THUMPD3: variants seen among roughly 807,000 people sequenced by gnomAD.
THUMPD3 encodes the protein tRNA (guanine(6)-N(2))-methyltransferase THUMP3.
A neutral mutation model predicts 54.5 loss-of-function variants in THUMPD3; 44 were observed. The observed-to-expected ratio is 0.81, with a 90% CI of 0.63 to 1.04. The LOEUF (loss-of-function observed/expected upper bound fraction) is 1.04. Among genes scored for constraint, THUMPD3 ranks in the 50% least tolerant of loss-of-function variants. THUMPD3 has a pLI of 0.00. For synonymous variants in THUMPD3, 196 were observed against 201.4 expected, an observed-to-expected ratio of 0.97 and a Z score of 0.23; for missense variants, 604 against 601.3, an observed-to-expected ratio of 1.00 and a Z score of -0.05.
intron 3 of THUMPD3, among the ~76,000 whole-genome samples, chr3:9,370,699 G>A (rs2031964492): frequency 6.6e-6 from 1 of 152,184 alleles, no homozygotes; most frequent in Admixed American, 6.5e-5. Context: ...ACTTGCTTCA[G>A]CTTCCTAAAG....
chr3:9,385,573 A>G lies in THUMPD3; in HGVS notation c.*885A>G, dbSNP rs2033277081. On this transcript the variant is annotated 3_prime_UTR_variant, in exon 10 of 10. Transcript: ENST00000452837. ...ATTCACATTAATACACAGAATGAAA[A>G]TAGAGGTCTAGGAATTATCAAAGGT... is the stretch of plus-strand genomic sequence containing the variant. 1.3e-5 allele frequency: 2 copies of G among 152,244 alleles called. No individual in the cohort carries two copies. Among genetic ancestry groups the G allele is most frequent in the African/African-American group, 4.8e-5 (2 of 41,454 alleles). The allele number at this position is 152,244 out of a possible 1,614,324, so 9.4% of individuals were successfully genotyped here.
chr3:9,371,659 ATAGGC>A, intron 4 of THUMPD3, 123 bp downstream of exon 4: 1 of 865,448 alleles, frequency 1.2e-6, no homozygotes, highest in Non-Finnish European at 1.8e-6. Flanking sequence ...TAAGAAGAGC[ATAGGC>A]TATGGAGACA....
Position 9,371,186 on chromosome 3 carries a change from T to C in THUMPD3, c.457T>C (p.Ser153Pro). 2 of 1,610,482 alleles carry C rather than the reference T, an allele frequency of 1.2e-6. No individual in the cohort carries two copies. Among genetic ancestry groups the C allele is most frequent in the Non-Finnish European group, 1.7e-6 (2 of 1,179,262 alleles). ...AAAGCGCAAAAAGATAAATCAGAAT[T>C]CAAGTAAAGAGAAGATTAATAATGG... ...KAKRKKINQNSSKEKINNGQE... is the reference protein window; with the variant it reads ...KAKRKKINQNPSKEKINNGQE... The change falls in exon 4 of 10, where the codon TCA becomes CCA. Residue 153 changes from serine to proline, a missense_variant. By Grantham distance (74) the Ser-to-Pro change is moderately conservative. Transcript: ENST00000452837.
chr3:9,384,148 T>C, intron 8 of THUMPD3, 64 bp from the exon 9 acceptor site: 1 of 1,558,756 alleles, frequency 6.4e-7, no homozygotes, highest in Non-Finnish European at 8.7e-7. Flanking sequence ...CTGTTTTTGT[T>C]TCATATAGTC....
At chr3:9,373,914 TA>T (rs2032252314) in intron 4 of THUMPD3, among the ~76,000 whole-genome samples, 1 of 152,246 alleles carries the variant, frequency 6.6e-6, no homozygotes, top group Non-Finnish European at 1.5e-5. Flanking sequence ...TACCAATTTT[TA>T]AAACTTTTTT....
Position 9,384,632 on chromosome 3 carries a change from G to T in THUMPD3, c.1468G>T (p.Val490Phe). The change falls in exon 10 of 10, where the codon GTT becomes TTT. Residue 490 changes from valine (V) to phenylalanine (F), a missense_variant. By Grantham distance (50) the Val-to-Phe change is conservative. Coordinates refer to ENST00000452837, the MANE Select transcript of THUMPD3 (RefSeq NM_001114092.2). ...TCTGATACGTACACCTCAAGCTTTTGTTCATCCTTCAGAACAAGACGGAGA... is the reference window on the plus strand; with the variant it reads ...TCTGATACGTACACCTCAAGCTTTTTTTCATCCTTCAGAACAAGACGGAGA... ...YVLIRTPQAF[V>F]HPSEQDGERG... The T allele has an allele frequency of 6.2e-7, 1 of 1,614,162 alleles. No individual in the cohort carries two copies. The highest frequency in any genetic ancestry group is 8.5e-7 in the Non-Finnish European group (1 of 1,180,022).
Position 9,366,981 on chromosome 3 carries a change from C to G in THUMPD3, c.326C>G (p.Thr109Arg). 6.2e-7 allele frequency: 1 copy of G among 1,612,314 alleles called. No homozygotes were observed. Residue 109 changes from threonine to arginine, a missense_variant, in exon 3 of 10, where the codon ACA (threonine) becomes AGA (arginine). Thr to Arg is a moderately conservative substitution (Grantham distance 71). Coordinates refer to ENST00000452837, the MANE Select transcript of THUMPD3 (RefSeq NM_001114092.2). ...QEFQDYQFKQ[T>R]KEEVLKDFED... ...TTTCAAGATTACCAGTTCAAACAAA[C>G]AAAGGTGAGCTATCCTAAACATGGT...
chr3:9,381,299 CTATTT>C (rs2032871986), intron 7 of THUMPD3, among the ~76,000 whole-genome samples: 2 of 152,178 alleles, frequency 1.3e-5, no homozygotes, highest in South Asian at 4.1e-4. Context: ...AGCCTCGCCT[CTATTT>C]TATTACTAAG....
At chr3:9,382,597 A>G (rs1293084922) in intron 7 of THUMPD3, among the ~76,000 whole-genome samples, 2 of 152,044 alleles carry the variant, frequency 1.3e-5, no homozygotes, top group African/African-American at 4.8e-5. Context: ...ATTCTTTAGT[A>G]TTGTTTTTCT....
At chr3:9,375,746 T>C (rs925653180) in intron 5 of THUMPD3, among the ~76,000 whole-genome samples, 1 of 152,244 alleles carries the variant, frequency 6.6e-6, no homozygotes, top group East Asian at 1.9e-4. Context: ...TGTAGCCTAC[T>C]ACACACCTGG....
rs1411988511 is a variant in THUMPD3 at position 9,383,391 on chromosome 3, G to C, written c.1235+82G>C. On this transcript the variant is annotated intron_variant, in intron 8 of 9. Coordinates refer to ENST00000452837, the MANE Select transcript of THUMPD3 (RefSeq NM_001114092.2). Reference sequence around the variant, plus strand: ...TATTCTAAGTCAGGAAAAAAATCTTGAATTTTAGCAGACTTAGCAGAGCTG... The same window carrying C: ...TATTCTAAGTCAGGAAAAAAATCTTCAATTTTAGCAGACTTAGCAGAGCTG... 4.7e-6 allele frequency: 5 copies of C among 1,071,188 alleles called. No individual in the cohort carries two copies. The African/African-American group carries it at 4.7e-5, about 10-fold the overall frequency. The allele number at this position is 1,071,188 out of a possible 1,614,324, so 66.4% of individuals were successfully genotyped here.
At position 9,374,503 on chromosome 3, in the gene THUMPD3, C is replaced by T. The variant is rs775971826; in HGVS notation, c.808-13C>T. On this transcript the variant is annotated splice_polypyrimidine_tract_variant and intron_variant, in intron 4 of 9. Coordinates refer to ENST00000452837, the MANE Select transcript of THUMPD3 (RefSeq NM_001114092.2). ...ATCCTAAAACTATTTTGTCTTGTTCCACTTTGCTATAGGTTCTTTTGAACA... is the reference window on the plus strand; with the variant it reads ...ATCCTAAAACTATTTTGTCTTGTTCTACTTTGCTATAGGTTCTTTTGAACA... The T allele has an allele frequency of 6.2e-7, 1 of 1,611,522 alleles. No individual in the cohort carries two copies. Among genetic ancestry groups the T allele is most frequent in the Admixed American group, 1.7e-5 (1 of 59,468 alleles).
At chr3:9,373,788 A>C (rs2032243025) in intron 4 of THUMPD3, among the ~76,000 whole-genome samples, 1 of 152,072 alleles carries the variant, frequency 6.6e-6, no homozygotes, top group South Asian at 2.1e-4. Flanking sequence ...ATCATGGCTC[A>C]CTAAAGCCTT....
chr3:9,377,547 G>T lies in THUMPD3; in HGVS notation c.939-272G>T, dbSNP rs1046548877. On this transcript the variant is annotated intron_variant, in intron 5 of 9. Coordinates refer to ENST00000452837, the MANE Select transcript of THUMPD3 (RefSeq NM_001114092.2). Reference sequence around the variant, plus strand: ...CACCACCACGCCCAGCTAATTTTTTGTATTTTTAGTGGAGACGGGGTTTCG... The same window carrying T: ...CACCACCACGCCCAGCTAATTTTTTTTATTTTTAGTGGAGACGGGGTTTCG... Among the ~76,000 whole-genome samples the T allele has an allele frequency of 7.9e-5, 12 of 151,986 alleles. No individual in the cohort carries two copies. In the South Asian group the frequency reaches 1.0e-3, roughly 13 times the overall value.
At position 9,380,603 on chromosome 3, in the gene THUMPD3, G is replaced by A. The variant is rs759591846; in HGVS notation, c.1109G>A (p.Ser370Asn). Reference sequence around the variant, plus strand: ...AACATTGCATCTTTATTGACCAAGAGCCAAATTAAAGAAGGGTAAAAATTT... The same window carrying A: ...AACATTGCATCTTTATTGACCAAGAACCAAATTAAAGAAGGGTAAAAATTT... ...ANNIASLLTK[S>N]QIKEGKPSWG... The change falls in exon 7 of 10, where the codon AGC becomes AAC. Residue 370 changes from serine (S) to asparagine (N), a missense_variant. Coordinates refer to ENST00000452837, the MANE Select transcript of THUMPD3 (RefSeq NM_001114092.2). 3.1e-6 allele frequency: 5 copies of A among 1,610,668 alleles called. No individual in the cohort carries two copies. In the Admixed American group the frequency reaches 8.4e-5, roughly 27 times the overall value.
At chr3:9,377,962 C>T in intron 6 of THUMPD3, 74 bp downstream of exon 6, 2 of 1,222,316 alleles carry the variant, frequency 1.6e-6, no homozygotes, top group South Asian at 1.2e-5. Context: ...GCAAATTAGA[C>T]ATAATGAAAT....
chr3:9,384,736 A>T lies in THUMPD3; in HGVS notation c.*48A>T. ...TTCCCACCACTGGAAATGTTAGCAT[A>T]AAAGAACTTGGAGAGGAAAAAAGTA... On this transcript the variant is annotated 3_prime_UTR_variant, in exon 10 of 10. Coordinates refer to ENST00000452837, the MANE Select transcript of THUMPD3 (RefSeq NM_001114092.2). 6.2e-7 allele frequency: 1 copy of T among 1,606,310 alleles called. No homozygotes were observed. The highest frequency in any genetic ancestry group is 1.7e-5 in the Admixed American group (1 of 59,474).
Position 9,384,643 on chromosome 3 carries a change from A to C in THUMPD3, c.1479A>C (p.Ser493=). The C allele has an allele frequency of 6.2e-7, 1 of 1,614,250 alleles. No individual in the cohort carries two copies. The highest frequency in any genetic ancestry group is 1.1e-5 in the South Asian group (1 of 91,090). Residue 493 remains serine, a synonymous_variant, in exon 10 of 10, where the codon TCA becomes TCC. Coordinates refer to ENST00000452837, the MANE Select transcript of THUMPD3 (RefSeq NM_001114092.2). ...CACCTCAAGCTTTTGTTCATCCTTCAGAACAAGACGGAGAAAGAGGAACTC... is the reference window on the plus strand; with the variant it reads ...CACCTCAAGCTTTTGTTCATCCTTCCGAACAAGACGGAGAAAGAGGAACTC... The part of the protein sequence containing the change: ...IRTPQAFVHP[S]EQDGERGTLW...
Position 9,365,201 on chromosome 3 carries a change from C to T in THUMPD3, c.133C>T (p.Pro45Ser), listed in dbSNP as rs773527202. 2.5e-6 allele frequency: 4 copies of T among 1,614,162 alleles called. No homozygotes were observed. The Admixed American group carries it at 6.7e-5, about 27-fold the overall frequency. ...TCTAGTCACTATTGGAGCCACTGTACCTACTGGCTTTGAGCAAACAGCTGC... is the reference window on the plus strand; with the variant it reads ...TCTAGTCACTATTGGAGCCACTGTATCTACTGGCTTTGAGCAAACAGCTGC... Reference protein sequence around the residue: ...ELLVTIGATVPTGFEQTAADE... With the variant: ...ELLVTIGATVSTGFEQTAADE... Residue 45 changes from proline to serine, a missense_variant, in exon 2 of 10, where the codon CCT becomes TCT. Coordinates refer to ENST00000452837, the MANE Select transcript of THUMPD3 (RefSeq NM_001114092.2).
Sources: allele counts gnomAD v4.1 joint callset (sites outside exome capture counted in the v4.1 genomes callset), GRCh38; gene constraint gnomAD v4.1.1; transcripts MANE v1.5; gene names NCBI Gene and HGNC (gene_info 2026-07-23, HGNC 2026-07-21).